Variants in CREBBP observed in about 807,000 individuals in gnomAD.
CREBBP encodes the protein CREB binding lysine acetyltransferase.
Under a neutral mutation model 265.0 loss-of-function variants are expected in CREBBP, and 19 were observed. That is an observed-to-expected ratio of 0.07 (90% CI 0.05 to 0.11). The LOEUF is 0.11. Ranked by LOEUF, CREBBP falls within the 10% of genes least tolerant of loss-of-function variation. The pLI is 1.00. For missense variants in CREBBP, 2,525 were observed against 3,219.0 expected (o/e 0.78, Z 5.22); for synonymous variants, 1,457 against 1,223.7 (o/e 1.19, Z -3.98).
chr16:3,759,340 G>A (rs111907179), intron 16 of CREBBP, among the ~76,000 whole-genome samples: 24 of 152,126 alleles, frequency 1.6e-4, no homozygotes, highest in Non-Finnish European at 3.5e-4. Flanking sequence ...TGTAATCCCA[G>A]CACTTTGGGA....
intron 5 of CREBBP, among the ~76,000 whole-genome samples, chr16:3,789,565 A>G (rs1300348768): frequency 6.6e-6 from 1 of 152,200 alleles, no homozygotes; most frequent in African/African-American, 2.4e-5. Flanking sequence ...CCTTAAGCCA[A>G]CGTAGGGTCA....
intron 5 of CREBBP, among the ~76,000 whole-genome samples, chr16:3,788,678 C>T (rs186057777): frequency 6.6e-6 from 1 of 152,350 alleles, no homozygotes; most frequent in East Asian, 1.9e-4. Context: ...AGGCCAGGCG[C>T]GGTGGCTCAC....
intron 20 of CREBBP, among the ~76,000 whole-genome samples, chr16:3,751,037 C>CA (rs1310207091): frequency 6.6e-6 from 1 of 151,570 alleles, no homozygotes; most frequent in African/African-American, 2.4e-5. Context: ...GCCTGGGTAA[C>CA]AACAGTGAGA....
chr16:3,790,345 AACTG>A (rs2053477479), intron 5 of CREBBP, among the ~76,000 whole-genome samples: 1 of 148,410 alleles, frequency 6.7e-6, no homozygotes, highest in African/African-American at 2.5e-5. Flanking sequence ...AGAATAATTT[AACTG>A]ACTTTTAGGA....
chr16:3,776,870 T>C (rs1470497400), intron 11 of CREBBP, among the ~76,000 whole-genome samples: 5 of 150,962 alleles, frequency 3.3e-5, no homozygotes, highest in Non-Finnish European at 7.4e-5. Context: ...TACAAAAAAT[T>C]AGCTGGGCGT....
chr16:3,798,021 G>T (rs948908714), intron 3 of CREBBP, among the ~76,000 whole-genome samples: 1 of 152,072 alleles, frequency 6.6e-6, no homozygotes, highest in Non-Finnish European at 1.5e-5. Flanking sequence ...AAAACACAAA[G>T]AAACGACAAA....
intron 17 of CREBBP, among the ~76,000 whole-genome samples, 168 bp from the exon 18 acceptor site, chr16:3,758,216 G>A (rs967359184): frequency 6.6e-6 from 1 of 152,022 alleles, no homozygotes; most frequent in African/African-American, 2.4e-5. Flanking sequence ...TGACGCAACT[G>A]ATTTTACTCA....
In CREBBP at chr16:3,771,005, G is replaced by A; in HGVS notation, c.2464-19C>T. Reference sequence around the variant, plus strand: ...CCTGTCCCTACCAGAAATGGACAGAGTATGGTAAAATTATTTCCCCCGTTT... The same window carrying A: ...CCTGTCCCTACCAGAAATGGACAGAATATGGTAAAATTATTTCCCCCGTTT... On this transcript the variant is annotated intron_variant, in intron 13 of 30. Transcript: ENST00000262367. 1 of 1,611,794 alleles carries A rather than the reference G, an allele frequency of 6.2e-7. No homozygotes were observed.
intron 2 of CREBBP, among the ~76,000 whole-genome samples, chr16:3,812,493 A>G (rs908577411): frequency 2.0e-5 from 3 of 151,668 alleles, no homozygotes; most frequent in Non-Finnish European, 4.4e-5. Flanking sequence ...ATTTTCCATA[A>G]TAAAGTTTTT....
intron 30 of CREBBP, among the ~76,000 whole-genome samples, chr16:3,730,097 G>A (rs1313429393): frequency 6.6e-6 from 1 of 152,166 alleles, no homozygotes; most frequent in African/African-American, 2.4e-5. Context: ...GACAACATGG[G>A]ATCATGGACA....
Position 3,830,643 on chromosome 16 carries a change from C to T in CREBBP, c.798+19654G>A, listed in dbSNP as rs1368127545. ...TGTTCTGACTAAATGAAAAACCAGA[C>T]AAACCTAAAATTGTAATTGTAGATT... is the stretch of plus-strand genomic sequence containing the variant. On this transcript the variant is annotated intron_variant, in intron 2 of 30. Transcript: ENST00000262367. 3.9e-5 allele frequency among the ~76,000 whole-genome samples: 6 copies of T among 152,132 alleles called. No homozygotes were observed. The East Asian group carries it at 1.2e-3, about 29-fold the overall frequency.
At chr16:3,776,339 T>C (rs889167806) in intron 11 of CREBBP, among the ~76,000 whole-genome samples, 4 of 152,128 alleles carry the variant, frequency 2.6e-5, no homozygotes, top group African/African-American at 9.7e-5. Flanking sequence ...TGGGTCTCAA[T>C]GGTCAAGAGC....
chr16:3,861,663 A>T (rs948303127), intron 1 of CREBBP, among the ~76,000 whole-genome samples: 6 of 151,152 alleles, frequency 4.0e-5, no homozygotes, highest in African/African-American at 1.5e-4. Flanking sequence ...AAAAAAAAAA[A>T]AAAAAAAGAA....
Position 3,757,375 on chromosome 16 carries a change from T to A in CREBBP, c.3611A>T (p.Tyr1204Phe), listed in dbSNP as rs200346970. 1.5e-4 allele frequency: 238 copies of A among 1,612,038 alleles called. 1 individual carries two copies. Among genetic ancestry groups the A allele is most frequent in the Middle Eastern group, 8.2e-4 (5 of 6,078 alleles). Residue 1204 changes from tyrosine to phenylalanine, a missense_variant and splice_region_variant, in exon 19 of 31, where the codon TAT (tyrosine) becomes TTT (phenylalanine). By Grantham distance (22) the Tyr-to-Phe change is conservative. Around this residue, in one of 19 missense-constraint regions of CREBBP, gnomAD observed 252 missense variants for 452.5 expected, o/e 0.56. Coordinates refer to ENST00000262367, the MANE Select transcript of CREBBP (RefSeq NM_004380.3). ...GCACAAAGTCTGTGGGGAAAACTCA[T>A]ACTGCAAAAATAAAGGAGAAATACT... Reference protein sequence around the residue: ...QSLGYCCGRKYEFSPQTLCCY... With the variant: ...QSLGYCCGRKFEFSPQTLCCY...
At chr16:3,879,363 T>C (rs1349705241) in intron 1 of CREBBP, among the ~76,000 whole-genome samples, 2 of 151,802 alleles carry the variant, frequency 1.3e-5, no homozygotes, top group African/African-American at 4.8e-5. Flanking sequence ...CTGCTGTGAG[T>C]GTCCTCTGAA....
At chr16:3,747,701 G>T (rs1269765724) in intron 21 of CREBBP, among the ~76,000 whole-genome samples, 1 of 152,088 alleles carries the variant, frequency 6.6e-6, no homozygotes. Context: ...GGTGGCTCAC[G>T]CCTGTAATCC....
Position 3,778,193 on chromosome 16 carries a change from A to G in CREBBP, c.1942-11T>C, listed in dbSNP as rs775264411. ...GTGATAATATTCATCCTAAAAAGCA[A>G]TAATATTCAATATGAAACAGTTAAA... is the stretch of plus-strand genomic sequence containing the variant. On this transcript the variant is annotated splice_polypyrimidine_tract_variant and intron_variant, in intron 9 of 30. Coordinates refer to ENST00000262367, the MANE Select transcript of CREBBP (RefSeq NM_004380.3). 11 of 1,575,216 alleles carry G rather than the reference A, an allele frequency of 7.0e-6. No homozygotes were observed. The East Asian group carries it at 8.9e-5, about 13-fold the overall frequency.
chr16:3,766,065 A>G (rs1396495295), intron 16 of CREBBP, among the ~76,000 whole-genome samples: 4 of 151,962 alleles, frequency 2.6e-5, no homozygotes, highest in Non-Finnish European at 5.9e-5. Context: ...TTTTTTTGAC[A>G]CTGTATAGTG....
chr16:3,743,387 G>A (rs1207247733), intron 23 of CREBBP: 9 of 152,234 alleles, frequency 5.9e-5, no homozygotes, highest in Admixed American at 5.9e-4. Flanking sequence ...GCATAACTTT[G>A]GATGTTGGTT....
Sources: allele counts gnomAD v4.1 joint callset (sites outside exome capture counted in the v4.1 genomes callset), GRCh38; gene constraint gnomAD v4.1.1; regional missense constraint gnomAD v4.1.1; transcripts MANE v1.5; gene names NCBI Gene and HGNC (gene_info 2026-07-23, HGNC 2026-07-21).